Variants in SEPTIN9 observed in about 807,000 individuals in gnomAD.
The protein encoded by SEPTIN9 is septin-9.
In SEPTIN9, 13 loss-of-function variants were observed where a neutral mutation model predicts 56.6. The ratio of observed to expected loss-of-function variants is 0.23; its 90% CI spans 0.15 to 0.37. The LOEUF is 0.37. Ranked by LOEUF, SEPTIN9 falls within the 10% of genes least tolerant of loss-of-function variation. SEPTIN9 has a pLI of 1.00. For missense variants in SEPTIN9, 650 were observed against 823.1 expected, an observed-to-expected ratio of 0.79 and a Z score of 2.57; for synonymous variants, 332 against 334.1, an observed-to-expected ratio of 0.99 and a Z score of 0.07.
chr17:77,419,610 C>A (rs2036624994), intron 3 of SEPTIN9, among the ~76,000 whole-genome samples: 1 of 152,216 alleles, frequency 6.6e-6, no homozygotes, highest in Non-Finnish European at 1.5e-5. Flanking sequence ...GGCTTCCACT[C>A]TAGAGGTCTC....
intron 2 of SEPTIN9, chr17:77,322,900 A>T (rs1330468503): frequency 6.6e-6 from 1 of 152,458 alleles, no homozygotes; most frequent in Non-Finnish European, 1.5e-5. Context: ...TGCCTGTGTG[A>T]CAGAGGCCTG....
chr17:77,485,698 G>C (rs1300107772), intron 4 of SEPTIN9, among the ~76,000 whole-genome samples: 1 of 152,066 alleles, frequency 6.6e-6, no homozygotes, highest in African/African-American at 2.4e-5. Context: ...GACAGAGAGA[G>C]ATGGACGAGG....
At chr17:77,440,838 G>A (rs952352412) in intron 3 of SEPTIN9, among the ~76,000 whole-genome samples, 2 of 152,244 alleles carry the variant, frequency 1.3e-5, no homozygotes, top group Non-Finnish European at 2.9e-5. Flanking sequence ...GCTGATCAGC[G>A]TGCAGCCAGA....
chr17:77,455,403 G>T (rs566881550), intron 3 of SEPTIN9, among the ~76,000 whole-genome samples: 1 of 152,208 alleles, frequency 6.6e-6, no homozygotes. Context: ...TGCTGCCCCC[G>T]CCCTGCTCTG....
chr17:77,350,741 G>A (rs1172361132), intron 2 of SEPTIN9, among the ~76,000 whole-genome samples: 1 of 142,700 alleles, frequency 7.0e-6, no homozygotes, highest in Non-Finnish European at 1.5e-5. Context: ...CAGAGAGGAG[G>A]AAACGGGGGC....
chr17:77,479,840 GGCAGATGGAA>G (rs2039378300), intron 3 of SEPTIN9, among the ~76,000 whole-genome samples: 1 of 152,196 alleles, frequency 6.6e-6, no homozygotes, highest in South Asian at 2.1e-4. Context: ...CAGACCCACA[GGCAGATGGAA>G]GCGATTTTCG....
At chr17:77,306,493 G>C (rs2032271501) in intron 1 of SEPTIN9, among the ~76,000 whole-genome samples, 1 of 152,262 alleles carries the variant, frequency 6.6e-6, no homozygotes, top group Non-Finnish European at 1.5e-5. Context: ...AGCAGCCCCA[G>C]GCCAAGGCCT....
Position 77,492,062 on chromosome 17 carries a change from C to T in SEPTIN9, c.1381-559C>T, listed in dbSNP as rs747728675. 2.6e-5 allele frequency among the ~76,000 whole-genome samples: 4 copies of T among 152,126 alleles called. No individual in the cohort carries two copies. The highest frequency in any genetic ancestry group is 5.9e-5 in the Non-Finnish European group (4 of 68,016). On this transcript the variant is annotated intron_variant, in intron 8 of 11. Coordinates refer to ENST00000427177, the MANE Select transcript of SEPTIN9 (RefSeq NM_001113491.2). This position sits in a 1 kb window ranked among gnomAD's most constrained non-coding sequence, Gnocchi z 5.4. ...GCCTGTAACCTACTCCGTCCTGGGG[C>T]CAGGTGTCAGGGACCTTCCCAGCAT...
At chr17:77,469,423 T>A (rs1212438235) in intron 3 of SEPTIN9, 1 of 152,276 alleles carries the variant, frequency 6.6e-6, no homozygotes, top group Admixed American at 6.5e-5. Context: ...GTTTCATTCT[T>A]CAGAGGATTG....
intron 11 of SEPTIN9, chr17:77,497,746 T>C: frequency 6.2e-6 from 2 of 323,706 alleles, no homozygotes; most frequent in Non-Finnish European, 1.2e-5. Context: ...CCCCTACCCC[T>C]TTCACCTGGC....
intron 2 of SEPTIN9, chr17:77,320,227 G>A (rs2032858385): frequency 6.2e-7 from 1 of 1,610,428 alleles, no homozygotes; most frequent in Non-Finnish European, 8.5e-7. Context: ...AGGAGGAGGA[G>A]GAGGAGGCTG....
intron 3 of SEPTIN9, among the ~76,000 whole-genome samples, chr17:77,460,045 A>G (rs1354026617): frequency 6.6e-6 from 1 of 152,058 alleles, no homozygotes; most frequent in African/African-American, 2.4e-5. Flanking sequence ...ACCATCCATG[A>G]GGGATCCACC....
At chr17:77,373,522 C>T in intron 2 of SEPTIN9, 1 of 1,544,208 alleles carries the variant, frequency 6.5e-7, no homozygotes, top group Non-Finnish European at 8.7e-7. Context: ...GGTCAACGCG[C>T]AGCTGGATGG....
At chr17:77,483,984 G>C (rs2039562993) in intron 4 of SEPTIN9, 1 of 152,330 alleles carries the variant, frequency 6.6e-6, no homozygotes, top group Non-Finnish European at 1.5e-5. Context: ...CAGACCCCGG[G>C]GAGAATCCCA....
intron 2 of SEPTIN9, among the ~76,000 whole-genome samples, chr17:77,370,780 G>C (rs2034696416): frequency 6.6e-6 from 1 of 152,194 alleles, no homozygotes; most frequent in African/African-American, 2.4e-5. Context: ...TAGAAAAGGG[G>C]GGTGGAGGGC....
At chr17:77,397,780 G>T (rs1167504122) in intron 2 of SEPTIN9, among the ~76,000 whole-genome samples, 2 of 152,138 alleles carry the variant, frequency 1.3e-5, no homozygotes, top group Non-Finnish European at 2.9e-5. Flanking sequence ...CTTCCAAGTA[G>T]CTGGGATTAC....
At chr17:77,355,756 G>A (rs554286314) in intron 2 of SEPTIN9, among the ~76,000 whole-genome samples, 1 of 152,138 alleles carries the variant, frequency 6.6e-6, no homozygotes, top group African/African-American at 2.4e-5. Context: ...GCCGAGGTGG[G>A]CGGATCACAA....
At chr17:77,299,412 A>G (rs954612403) in intron 1 of SEPTIN9, among the ~76,000 whole-genome samples, 1 of 152,216 alleles carries the variant, frequency 6.6e-6, no homozygotes, top group African/African-American at 2.4e-5. Flanking sequence ...CCTAAAAATG[A>G]TTCATTGTTT....
intron 1 of SEPTIN9, among the ~76,000 whole-genome samples, chr17:77,302,968 T>C (rs555385937): frequency 2.8e-4 from 43 of 152,204 alleles, no homozygotes; most frequent in African/African-American, 6.5e-4. Flanking sequence ...GCTCGTCTCC[T>C]GTCTTCGGCA....
Sources: gnomAD v4.1 joint callset for allele counts (sites outside exome capture counted in the v4.1 genomes callset) on GRCh38, gnomAD v4.1.1 for gene constraint, Gnocchi (gnomAD v3.1) non-coding constraint, MANE v1.5 for transcripts, NCBI Gene and HGNC (gene_info 2026-07-23, HGNC 2026-07-21) for gene names.